NKAIN1: variants seen among roughly 807,000 people sequenced by gnomAD.
NKAIN1 encodes the protein sodium/potassium transporting ATPase interacting 1.
NKAIN1 carries 13 observed loss-of-function variants against 31.6 expected under a neutral mutation model. The observed-to-expected ratio is 0.41, with a 90% confidence interval of 0.27 to 0.65. The LOEUF (loss-of-function observed/expected upper bound fraction) is 0.65, where lower values mean the gene tolerates loss of function less well. Among genes scored for constraint, NKAIN1 ranks in the 30% least tolerant of loss-of-function variants. The pLI, the probability that NKAIN1 is intolerant of heterozygous loss-of-function variation, is 0.30. For missense variants in NKAIN1, 193 were observed against 262.2 expected (o/e 0.74, Z 1.82); for synonymous variants, 104 against 109.0 (o/e 0.95, Z 0.28).
At position 31,183,933 on chromosome 1, in the gene NKAIN1, G is replaced by T. The variant is rs1432362451; in HGVS notation, c.355C>A (p.Pro119Thr). The T allele has an allele frequency of 6.2e-7, 1 of 1,614,116 alleles. No homozygotes were observed. Residue 119 changes from proline to threonine, a missense_variant, in exon 4 of 7, where the codon CCT becomes ACT. Pro to Thr is a conservative substitution (Grantham distance 38). Transcript: ENST00000373736. ...AGAGCCAGGCGGGAGTTCAGAACAG[G>T]TGTCACCAGGCAGCCTGGCCCATTC... ...MENGPGCLVTPVLNSRLALED... is the reference protein window; with the variant it reads ...MENGPGCLVTTVLNSRLALED...
intron 1 of NKAIN1, among the ~76,000 whole-genome samples, chr1:31,216,763 G>A (rs906095330): frequency 6.6e-5 from 10 of 150,564 alleles, no homozygotes; most frequent in South Asian, 4.2e-4. Flanking sequence ...GCACCATCTC[G>A]GCTCACTGCA....
intron 1 of NKAIN1, among the ~76,000 whole-genome samples, chr1:31,238,549 A>T (rs1246875958): frequency 6.6e-6 from 1 of 152,050 alleles, no homozygotes; most frequent in Non-Finnish European, 1.5e-5. Flanking sequence ...CCAGGGCCTG[A>T]TTTGAAGGGC....
intron 1 of NKAIN1, among the ~76,000 whole-genome samples, chr1:31,236,788 C>A (rs951460071): frequency 2.0e-5 from 3 of 152,166 alleles, no homozygotes; most frequent in African/African-American, 7.2e-5. Flanking sequence ...GTTAGCTTAG[C>A]AAGGGAGAAC....
rs1645514762 is a variant in NKAIN1 at position 31,216,643 on chromosome 1, C to T, written c.54+22851G>A. ...CTTTTCTTCCAGAGGAGGGGCGAGG[C>T]CATCATCAGTGGGGTTTGATCTCCT... On this transcript the variant is annotated intron_variant, in intron 1 of 6. Coordinates refer to ENST00000373736, the MANE Select transcript of NKAIN1 (RefSeq NM_024522.3). Among the ~76,000 whole-genome samples, 5 of 152,114 alleles carry T rather than the reference C, an allele frequency of 3.3e-5. No homozygotes were observed. The South Asian group carries it at 1.0e-3, about 32-fold the overall frequency.
chr1:31,212,402 C>CTTTCTTTCTTT (rs1557658033), intron 1 of NKAIN1, among the ~76,000 whole-genome samples: 2 of 61,082 alleles, frequency 3.3e-5, no homozygotes, highest in South Asian at 5.0e-4. Context: ...GTAATAGTTT[C>CTTTCTTTCTTT]TTTTTTTTTT....
Position 31,190,111 on chromosome 1 carries a change from G to A in NKAIN1, c.55-1924C>T, listed in dbSNP as rs1230305444. On this transcript the variant is annotated intron_variant, in intron 1 of 6. Transcript: ENST00000373736. ...GAAGAGGAGAGAAGAGGGTCTGGCT[G>A]GGGAGGGGGAGGGAATATTCAGATA... Among the ~76,000 whole-genome samples, 3 of 152,196 alleles carry A rather than the reference G, an allele frequency of 2.0e-5. No individual in the cohort carries two copies. The South Asian group carries it at 6.2e-4, about 31-fold the overall frequency.
At chr1:31,183,646 C>T in intron 4 of NKAIN1, among the ~76,000 whole-genome samples, 171 bp downstream of exon 4, 1 of 151,984 alleles carries the variant, frequency 6.6e-6, no homozygotes, top group East Asian at 1.9e-4. Context: ...CGGGGTTTCT[C>T]CATGTTGGTC....
chr1:31,236,918 T>G (rs1313642440), intron 1 of NKAIN1, among the ~76,000 whole-genome samples: 2 of 152,196 alleles, frequency 1.3e-5, no homozygotes, highest in African/African-American at 4.8e-5. Flanking sequence ...TATTTTATAA[T>G]TAAGAAGGCA....
intron 1 of NKAIN1, among the ~76,000 whole-genome samples, chr1:31,189,042 C>T (rs917832821): frequency 5.3e-5 from 8 of 151,412 alleles, no homozygotes; most frequent in Admixed American, 2.0e-4. Flanking sequence ...AAAAAAACGG[C>T]GTTCATTGGA....
rs1003815231 is a variant in NKAIN1, at chr1:31,180,270, C to T, written c.*1433G>A. On this transcript the variant is annotated 3_prime_UTR_variant, in exon 7 of 7. Transcript: ENST00000373736. ...ATGTCTCCTGCCCTCCTTTCTAACC[C>T]AGGGCCATGCCTCTTTCACAGATGA... 1.3e-5 allele frequency: 2 copies of T among 152,516 alleles called. No individual in the cohort carries two copies. The highest frequency in any genetic ancestry group is 2.9e-5 in the Non-Finnish European group (2 of 68,246). The allele number at this position is 152,516 out of a possible 1,614,324, so 9.4% of individuals were successfully genotyped here. A position where few individuals can be genotyped will look rare whatever the true frequency, so the allele number is the denominator to read the frequency against.
chr1:31,211,545 G>T (rs528590234), intron 1 of NKAIN1, among the ~76,000 whole-genome samples: 2 of 150,828 alleles, frequency 1.3e-5, no homozygotes, highest in East Asian at 3.9e-4. Context: ...TTGTTAAAAT[G>T]GTAATACTTC....
intron 1 of NKAIN1, among the ~76,000 whole-genome samples, chr1:31,214,789 T>C (rs1338058575): frequency 6.6e-6 from 1 of 151,694 alleles, no homozygotes; most frequent in Non-Finnish European, 1.5e-5. Context: ...GGGAGGGAGA[T>C]GGACATAATA....
At chr1:31,208,065 C>A (rs1341341330) in intron 1 of NKAIN1, among the ~76,000 whole-genome samples, 1 of 152,128 alleles carries the variant, frequency 6.6e-6, no homozygotes, top group East Asian at 1.9e-4. Flanking sequence ...TGACTCCCTG[C>A]ACTACTGGAA....
intron 2 of NKAIN1, 45 bp from the exon 3 acceptor site, chr1:31,185,372 G>A (rs753532553): frequency 6.7e-7 from 1 of 1,490,014 alleles, no homozygotes; most frequent in Non-Finnish European, 9.2e-7. Context: ...TGGGGAGTGG[G>A]GGATGGGGAG....
chr1:31,232,471 A>AGAGAGT (rs1645661791), intron 1 of NKAIN1, among the ~76,000 whole-genome samples: 1 of 112,084 alleles, frequency 8.9e-6, no homozygotes, highest in African/African-American at 3.6e-5. Flanking sequence ...AGAGAGAGAG[A>AGAGAGT]GTGGGGGAGG....
In NKAIN1 at chr1:31,183,861, G is replaced by T. The variant is rs1487157284; in HGVS notation, c.427C>A (p.Pro143Thr). 1.2e-6 allele frequency: 2 copies of T among 1,614,062 alleles called. No individual in the cohort carries two copies. Among genetic ancestry groups the T allele is most frequent in the South Asian group, 2.2e-5 (2 of 91,072 alleles). ...ISVTGCLLDYPYIEALSSALQ... is the reference protein window; with the variant it reads ...ISVTGCLLDYTYIEALSSALQ... ...GCGCTGCTGAGGGCTTCAATGTAGG[G>T]GTAGTCAAGCAGGCAGCCAGTGACA... Residue 143 changes from proline (P) to threonine (T), a missense_variant, in exon 4 of 7, where the codon CCC becomes ACC. By Grantham distance (38) the Pro-to-Thr change is conservative (BLOSUM62 -1). Transcript: ENST00000373736.
intron 1 of NKAIN1, among the ~76,000 whole-genome samples, chr1:31,191,828 G>A (rs552767344): frequency 1.3e-5 from 2 of 152,188 alleles, no homozygotes; most frequent in East Asian, 3.9e-4. Context: ...CCAGGTTGGG[G>A]TGCAATGTGG....
At chr1:31,217,409 T>C (rs1645521746) in intron 1 of NKAIN1, among the ~76,000 whole-genome samples, 1 of 152,180 alleles carries the variant, frequency 6.6e-6, no homozygotes, top group African/African-American at 2.4e-5. Flanking sequence ...CAAGAGACCC[T>C]GCTGCTTTGG....
intron 1 of NKAIN1, among the ~76,000 whole-genome samples, chr1:31,203,927 A>T (rs898932067): frequency 1.3e-5 from 2 of 152,182 alleles, no homozygotes; most frequent in African/African-American, 2.4e-5. Context: ...ATTCAAAGAC[A>T]AAACTGATGG....
Sources: allele counts gnomAD v4.1 joint callset (sites outside exome capture counted in the v4.1 genomes callset), GRCh38; gene constraint gnomAD v4.1.1; transcripts MANE v1.5; gene names NCBI Gene and HGNC (gene_info 2026-07-23, HGNC 2026-07-21).